Variants in ADAMTS12 observed in about 807,000 individuals in gnomAD.
The protein encoded by ADAMTS12 is A disintegrin and metalloproteinase with thrombospondin motifs 12.
Under a neutral mutation model 167.8 loss-of-function variants are expected in ADAMTS12, and 118 were observed. The observed-to-expected ratio is 0.70, with a 90% CI of 0.61 to 0.82. The LOEUF is 0.82. Ranked by LOEUF, ADAMTS12 falls within the 40% of genes least tolerant of loss-of-function variation. ADAMTS12 has a pLI of 0.00. For synonymous variants in ADAMTS12, 704 were observed against 716.9 expected, an observed-to-expected ratio of 0.98 and a Z score of 0.29; for missense variants, 1,916 against 1,998.8, an observed-to-expected ratio of 0.96 and a Z score of 0.79.
At chr5:33,763,717 T>A (rs1181571842) in intron 2 of ADAMTS12, among the ~76,000 whole-genome samples, 1 of 152,204 alleles carries the variant, frequency 6.6e-6, no homozygotes, top group Admixed American at 6.5e-5. Flanking sequence ...CAAACAAATG[T>A]TGTAGGAAAC....
intron 3 of ADAMTS12, among the ~76,000 whole-genome samples, chr5:33,743,774 T>A (rs1744686635): frequency 6.6e-6 from 1 of 152,196 alleles, no homozygotes; most frequent in Admixed American, 6.5e-5. Context: ...CATACATATA[T>A]ACATGATCTG....
intron 3 of ADAMTS12, among the ~76,000 whole-genome samples, chr5:33,748,809 T>C (rs1357274648): frequency 6.6e-6 from 1 of 152,204 alleles, no homozygotes; most frequent in Non-Finnish European, 1.5e-5. Flanking sequence ...GTTAATTCTG[T>C]TCTCTCTGCA....
At chr5:33,648,138 C>T (rs1452407732) in intron 9 of ADAMTS12, among the ~76,000 whole-genome samples, 2 of 152,218 alleles carry the variant, frequency 1.3e-5, no homozygotes, top group African/African-American at 4.8e-5. Context: ...ATTTCCAAAT[C>T]ACGAAGGACT....
chr5:33,844,703 C>A (rs1383645409), intron 2 of ADAMTS12, among the ~76,000 whole-genome samples: 4 of 152,152 alleles, frequency 2.6e-5, no homozygotes, highest in Non-Finnish European at 5.9e-5. Flanking sequence ...TATTCTATTA[C>A]CTTGTGAAGC....
intron 16 of ADAMTS12, among the ~76,000 whole-genome samples, chr5:33,609,575 T>G (rs1397494542): frequency 6.6e-6 from 1 of 152,106 alleles, no homozygotes; most frequent in Non-Finnish European, 1.5e-5. Flanking sequence ...AGTTTCACCA[T>G]GTTGTCCAGG....
chr5:33,756,531 T>C (rs1745172405), intron 2 of ADAMTS12, among the ~76,000 whole-genome samples: 1 of 152,150 alleles, frequency 6.6e-6, no homozygotes, highest in Non-Finnish European at 1.5e-5. Flanking sequence ...GCAGAAAGTA[T>C]AAGTCAAGAG....
At position 33,863,391 on chromosome 5, in the gene ADAMTS12, C is replaced by T. The variant is rs867443923; in HGVS notation, c.489+17728G>A. The stretch of plus-strand genomic sequence containing the variant: ...TGCAAAAATCACAAGCATTCCTATA[C>T]ATCCATAATAGGCAAACAGAGAGCC... On this transcript the variant is annotated intron_variant, in intron 2 of 23. Transcript: ENST00000504830. Among the ~76,000 whole-genome samples, 4 of 152,276 alleles carry T rather than the reference C, an allele frequency of 2.6e-5. No individual in the cohort carries two copies. In the South Asian group the frequency reaches 8.3e-4, roughly 32 times the overall value.
Position 33,641,809 on chromosome 5 carries a change from C to A in ADAMTS12, c.1718+1G>T, listed in dbSNP as rs779934275. 1 of 1,607,124 alleles carries A rather than the reference C, an allele frequency of 6.2e-7. No individual in the cohort carries two copies. The highest frequency in any genetic ancestry group is 1.1e-5 in the South Asian group (1 of 90,160). Reference sequence around the variant, plus strand: ...AGGGAAATATATTTATCTGGACTCACTCGGGGTTGTTGCAGAGCCTCTCTG... The same window carrying A: ...AGGGAAATATATTTATCTGGACTCAATCGGGGTTGTTGCAGAGCCTCTCTG... On this transcript the variant is annotated splice_donor_variant, in intron 11 of 23. Coordinates refer to ENST00000504830, the MANE Select transcript of ADAMTS12 (RefSeq NM_030955.4). LOFTEE classifies it high-confidence loss of function.
At chr5:33,828,864 T>C (rs928265135) in intron 2 of ADAMTS12, among the ~76,000 whole-genome samples, 3 of 152,208 alleles carry the variant, frequency 2.0e-5, no homozygotes, top group Admixed American at 2.0e-4. Flanking sequence ...TCTGTCGCAG[T>C]AGATTCTGCC....
chr5:33,841,099 T>TGACCACA (rs1468266090), intron 2 of ADAMTS12, among the ~76,000 whole-genome samples: 3 of 152,132 alleles, frequency 2.0e-5, no homozygotes, highest in East Asian at 3.9e-4. Context: ...GTGGCACACA[T>TGACCACA]GACCACACAG....
At chr5:33,653,221 T>C (rs1014775208) in intron 7 of ADAMTS12, among the ~76,000 whole-genome samples, 2 of 152,146 alleles carry the variant, frequency 1.3e-5, no homozygotes, top group Non-Finnish European at 2.9e-5. Flanking sequence ...TTATGATGAA[T>C]AGATGTCAAA....
At position 33,751,523 on chromosome 5, in the gene ADAMTS12, C is replaced by A. The variant is rs1219659513; in HGVS notation, c.515G>T (p.Gly172Val). ...GLTGFFQLPH[G>V]DFFIEPVKKH... ...CTTCACGGGTTCAATGAAAAAGTCTCCATGTGGTAGTTGGAAAAATCCAGT... is the reference window on the plus strand; with the variant it reads ...CTTCACGGGTTCAATGAAAAAGTCTACATGTGGTAGTTGGAAAAATCCAGT... Residue 172 changes from glycine to valine, a missense_variant, in exon 3 of 24, where the codon GGA becomes GTA. By Grantham distance (109) the Gly-to-Val change is moderately radical. Transcript: ENST00000504830. The A allele has an allele frequency of 6.2e-7, 1 of 1,614,006 alleles. No individual in the cohort carries two copies.
chr5:33,723,467 G>A (rs1274824699), intron 3 of ADAMTS12, among the ~76,000 whole-genome samples: 2 of 152,060 alleles, frequency 1.3e-5, no homozygotes, highest in East Asian at 3.9e-4. Context: ...TAATAACTGA[G>A]CTTGGCCTCA....
Position 33,872,634 on chromosome 5 carries a change from G to A in ADAMTS12, c.489+8485C>T, listed in dbSNP as rs530822435. ...AGACGCAAAACCCCTCAAGCAAACTGAACCCAACAATGTATAAGAAGACAT... is the reference window on the plus strand; with the variant it reads ...AGACGCAAAACCCCTCAAGCAAACTAAACCCAACAATGTATAAGAAGACAT... On this transcript the variant is annotated intron_variant, in intron 2 of 23. Coordinates refer to ENST00000504830, the MANE Select transcript of ADAMTS12 (RefSeq NM_030955.4). 3.9e-5 allele frequency among the ~76,000 whole-genome samples: 6 copies of A among 152,042 alleles called. No individual in the cohort carries two copies. In the South Asian group the frequency reaches 1.2e-3, roughly 32 times the overall value.
chr5:33,660,135 T>C (rs1282251664), intron 6 of ADAMTS12, among the ~76,000 whole-genome samples: 1 of 152,180 alleles, frequency 6.6e-6, no homozygotes, highest in African/African-American at 2.4e-5. Context: ...TGAAATGCTC[T>C]CCACTGTCTA....
At chr5:33,635,078 G>A (rs1007877351) in intron 12 of ADAMTS12, among the ~76,000 whole-genome samples, 12 of 152,006 alleles carry the variant, frequency 7.9e-5, no homozygotes, top group African/African-American at 2.9e-4. Context: ...TCTATTTACC[G>A]TGTAGTTTTA....
intron 1 of ADAMTS12, chr5:33,887,966 A>G (rs1213869824): frequency 6.6e-6 from 1 of 152,010 alleles, no homozygotes; most frequent in Non-Finnish European, 1.5e-5. Context: ...GCTGGTCTCG[A>G]ATTCCTGACC....
chr5:33,837,214 G>A (rs564658704), intron 2 of ADAMTS12, among the ~76,000 whole-genome samples: 1 of 152,196 alleles, frequency 6.6e-6, no homozygotes, highest in South Asian at 2.1e-4. Context: ...GTAGGGGAGT[G>A]GACAGACAGG....
intron 3 of ADAMTS12, among the ~76,000 whole-genome samples, chr5:33,748,448 T>C (rs1220952858): frequency 2.0e-5 from 3 of 152,036 alleles, no homozygotes; most frequent in Non-Finnish European, 4.4e-5. Context: ...ATAGTTAAAA[T>C]TGAGAAAATC....
Sources: gnomAD v4.1 joint callset for allele counts (sites outside exome capture counted in the v4.1 genomes callset) on GRCh38, gnomAD v4.1.1 for gene constraint, MANE v1.5 for transcripts, NCBI Gene and HGNC (gene_info 2026-07-23, HGNC 2026-07-21) for gene names.